Variants in BBOX1 observed in about 807,000 individuals in gnomAD.
BBOX1 encodes the protein gamma-butyrobetaine dioxygenase.
A neutral mutation model predicts 41.6 loss-of-function variants in BBOX1; 35 were observed. The ratio of observed to expected loss-of-function variants is 0.84; its 90% CI spans 0.64 to 1.11. The LOEUF is 1.11. Among genes scored for constraint, BBOX1 ranks in the 50% most tolerant of loss-of-function variants. BBOX1 has a pLI of 0.00. For missense variants in BBOX1, 458 were observed against 460.6 expected (o/e 0.99, Z 0.05); for synonymous variants, 163 against 154.7 (o/e 1.05, Z -0.40).
At chr11:27,124,183 T>C (rs1241252006) in intron 7 of BBOX1, among the ~76,000 whole-genome samples, 1 of 152,132 alleles carries the variant, frequency 6.6e-6, no homozygotes, top group African/African-American at 2.4e-5. Context: ...CAGGTGTATG[T>C]GTGTTTGGTC....
chr11:27,124,814 G>A (rs931362730), intron 7 of BBOX1, among the ~76,000 whole-genome samples: 5 of 152,094 alleles, frequency 3.3e-5, no homozygotes, highest in African/African-American at 4.8e-5. Context: ...GTGAGCCACC[G>A]TGCCCGGCCT....
At chr11:27,043,965 G>A (rs1038306176) in intron 2 of BBOX1, among the ~76,000 whole-genome samples, 2 of 152,114 alleles carry the variant, frequency 1.3e-5, no homozygotes, top group African/African-American at 2.4e-5. Context: ...ACGCAGTAAT[G>A]GGATTGCTGG....
rs369357151 is a variant in BBOX1 at position 27,079,564 on chromosome 11, C to A, written c.335-13604C>A. Among the ~76,000 whole-genome samples, 7 of 152,074 alleles carry A rather than the reference C, an allele frequency of 4.6e-5. No homozygotes were observed. The East Asian group carries it at 7.7e-4, about 17-fold the overall frequency. On this transcript the variant is annotated intron_variant, in intron 4 of 8. Transcript: ENST00000263182. ...AAAAATATCTAAAGAAAACAATATG[C>A]CCATGTAATGAGGAATCACAGTCTT... is the stretch of plus-strand genomic sequence containing the variant.
intron 4 of BBOX1, among the ~76,000 whole-genome samples, chr11:27,079,074 G>T (rs1384441759): frequency 2.0e-5 from 3 of 152,134 alleles, no homozygotes; most frequent in Non-Finnish European, 2.9e-5. Context: ...CAGGAGAGAA[G>T]AAAAGTGCCT....
intron 4 of BBOX1, among the ~76,000 whole-genome samples, chr11:27,075,690 T>G (rs577957756): frequency 1.5e-3 from 236 of 152,292 alleles, no homozygotes; most frequent in African/African-American, 5.4e-3. Context: ...GAGTTGAATA[T>G]TTGATATTCC....
chr11:27,082,741 A>G (rs1275191075), intron 4 of BBOX1, among the ~76,000 whole-genome samples: 1 of 152,200 alleles, frequency 6.6e-6, no homozygotes, highest in Non-Finnish European at 1.5e-5. Context: ...GCATGAAATC[A>G]TAAGTGCTCA....
chr11:27,099,994 A>T (rs1590211650), intron 5 of BBOX1, among the ~76,000 whole-genome samples: 1 of 152,158 alleles, frequency 6.6e-6, no homozygotes, highest in East Asian at 1.9e-4. Context: ...AAGGATTCAC[A>T]ACACTGAAAT....
intron 2 of BBOX1, among the ~76,000 whole-genome samples, chr11:27,042,821 T>C (rs1166287720): frequency 2.0e-5 from 3 of 152,160 alleles, no homozygotes. Context: ...ATGTATGTAC[T>C]CAAATGATGT....
chr11:27,104,052 T>A (rs1858766510), intron 5 of BBOX1, among the ~76,000 whole-genome samples: 1 of 152,174 alleles, frequency 6.6e-6, no homozygotes, highest in South Asian at 2.1e-4. Flanking sequence ...TTGTCTACAT[T>A]TTTCCTATAC....
chr11:27,084,867 T>C (rs1857978457), intron 4 of BBOX1, among the ~76,000 whole-genome samples: 2 of 152,170 alleles, frequency 1.3e-5, no homozygotes, highest in Non-Finnish European at 2.9e-5. Flanking sequence ...AATTTTATGA[T>C]GTGTGAAGCA....
rs1851329386 is a variant in BBOX1, at chr11:27,040,825, A to T, written c.-505A>T. 6.6e-6 allele frequency: 1 copy of T among 152,166 alleles called. No homozygotes were observed. The highest frequency in any genetic ancestry group is 1.5e-5 in the Non-Finnish European group (1 of 68,056). The allele number at this position is 152,166 out of a possible 1,614,324, so 9.4% of individuals were successfully genotyped here. A position where few individuals can be genotyped will look rare whatever the true frequency, so the allele number is the denominator to read the frequency against. On this transcript the variant is annotated 5_prime_UTR_variant, in exon 1 of 9. Transcript: ENST00000263182. ...CCTTTAAAGAGGCTCATATTGGAAT[A>T]CTCTGTTGACAAGTAGATACCACTT...
At chr11:27,105,881 A>C (rs1030978044) in intron 5 of BBOX1, among the ~76,000 whole-genome samples, 7 of 152,204 alleles carry the variant, frequency 4.6e-5, no homozygotes, top group African/African-American at 1.7e-4. Flanking sequence ...CATCAGACTA[A>C]GAGTGGGTCT....
intron 4 of BBOX1, among the ~76,000 whole-genome samples, chr11:27,073,166 C>G (rs529778328): frequency 4.6e-5 from 7 of 152,282 alleles, no homozygotes; most frequent in African/African-American, 1.4e-4. Flanking sequence ...ATCTACTCAT[C>G]TGACAAAGGG....
intron 4 of BBOX1, among the ~76,000 whole-genome samples, chr11:27,075,167 C>T (rs1857592564): frequency 6.6e-6 from 1 of 152,062 alleles, no homozygotes; most frequent in Non-Finnish European, 1.5e-5. Flanking sequence ...AAGGATGTGA[C>T]TTTAATGTTT....
intron 8 of BBOX1, among the ~76,000 whole-genome samples, chr11:27,127,057 TA>T (rs1258929982): frequency 2.0e-5 from 3 of 152,194 alleles, no homozygotes; most frequent in Non-Finnish European, 4.4e-5. Context: ...TAAGAATGAT[TA>T]AAATACCTTC....
At chr11:27,112,499 C>T (rs891869024) in intron 5 of BBOX1, among the ~76,000 whole-genome samples, 11 of 151,776 alleles carry the variant, frequency 7.2e-5, no homozygotes, top group Non-Finnish European at 1.6e-4. Flanking sequence ...AGAAATAATG[C>T]CACACACCTA....
At chr11:27,052,085 T>G (rs1357435655) in intron 2 of BBOX1, among the ~76,000 whole-genome samples, 1 of 152,080 alleles carries the variant, frequency 6.6e-6, no homozygotes, top group Non-Finnish European at 1.5e-5. Flanking sequence ...TTCACATATT[T>G]GTGAAAACTG....
intron 4 of BBOX1, among the ~76,000 whole-genome samples, chr11:27,077,324 G>C (rs892636597): frequency 6.6e-6 from 1 of 152,086 alleles, no homozygotes; most frequent in East Asian, 1.9e-4. Flanking sequence ...TCCAGTGCCG[G>C]GTAGGATTAA....
At chr11:27,124,199 G>A (rs895995172) in intron 7 of BBOX1, among the ~76,000 whole-genome samples, 22 of 152,130 alleles carry the variant, frequency 1.4e-4, no homozygotes, top group African/African-American at 2.9e-4. Context: ...TGGTCTGACC[G>A]ACCAAGCCTT....
Sources: gnomAD v4.1 joint callset for allele counts (sites outside exome capture counted in the v4.1 genomes callset) on GRCh38, gnomAD v4.1.1 for gene constraint, MANE v1.5 for transcripts, NCBI Gene and HGNC (gene_info 2026-07-23, HGNC 2026-07-21) for gene names.